The following RALYL variants were observed in gnomAD, a reference collection of about 807,000 sequenced individuals.
The protein encoded by RALYL is RNA-binding Raly-like protein.
A neutral mutation model predicts 35.1 loss-of-function variants in RALYL; 29 were observed. The ratio of observed to expected loss-of-function variants is 0.83; its 90% CI spans 0.61 to 1.13. RALYL has a LOEUF of 1.13. Ranked by LOEUF, RALYL falls within the 50% of genes most tolerant of loss-of-function variation. RALYL has a pLI of 0.00. For missense variants in RALYL, 359 were observed against 360.4 expected (o/e 1.00, Z 0.03); for synonymous variants, 120 against 127.6 (o/e 0.94, Z 0.40).
chr8:84,809,660 C>A (rs551937248), intron 4 of RALYL, among the ~76,000 whole-genome samples: 7 of 152,110 alleles, frequency 4.6e-5, no homozygotes, highest in Middle Eastern at 6.8e-3. Context: ...AATCTCCCTG[C>A]TTGTTGTTGG....
chr8:84,429,502 T>A (rs1458678662), intron 1 of RALYL, among the ~76,000 whole-genome samples: 1 of 152,028 alleles, frequency 6.6e-6, no homozygotes, highest in African/African-American at 2.4e-5. Flanking sequence ...AAAAATAAAA[T>A]TTTCCCCCAA....
intron 1 of RALYL, among the ~76,000 whole-genome samples, chr8:84,241,394 G>T (rs970908303): frequency 2.0e-5 from 3 of 152,124 alleles, no homozygotes; most frequent in East Asian, 1.9e-4. Context: ...GCACTGAAAA[G>T]CTCTGTGTGC....
chr8:84,531,678 C>T (rs2059284205), intron 2 of RALYL, among the ~76,000 whole-genome samples: 1 of 152,012 alleles, frequency 6.6e-6, no homozygotes, highest in Non-Finnish European at 1.5e-5. Context: ...CTAACAAATA[C>T]TTGAGGAAAT....
chr8:84,384,379 G>A (rs141616891), intron 1 of RALYL, among the ~76,000 whole-genome samples: 5 of 151,640 alleles, frequency 3.3e-5, no homozygotes, highest in East Asian at 2.0e-4. Context: ...CATTTATCAC[G>A]TTACTCCCCT....
chr8:84,554,059 T>C (rs879350432), intron 2 of RALYL, among the ~76,000 whole-genome samples: 10 of 152,240 alleles, frequency 6.6e-5, no homozygotes, highest in Admixed American at 6.5e-4. Flanking sequence ...TATATTTCTT[T>C]AATTCTCTTA....
intron 1 of RALYL, among the ~76,000 whole-genome samples, chr8:84,271,450 C>A (rs887467024): frequency 1.4e-5 from 2 of 145,854 alleles, no homozygotes; most frequent in Non-Finnish European, 3.0e-5. Context: ...CATCTAGTAG[C>A]CACTTTAGAA....
At chr8:84,611,363 A>G (rs7828076) in intron 2 of RALYL, among the ~76,000 whole-genome samples, 44,073 of 151,952 alleles carry the variant, frequency 0.29, 7,112 homozygotes, top group African/African-American at 0.43. Context: ...TCTTCCTAGC[A>G]TTATAACCAT....
chr8:84,351,405 A>T (rs1240949830), intron 1 of RALYL, among the ~76,000 whole-genome samples: 2 of 150,240 alleles, frequency 1.3e-5, no homozygotes, highest in Non-Finnish European at 3.0e-5. Flanking sequence ...TTTAAAAAAT[A>T]GCCTATTCTT....
At chr8:84,551,445 T>C (rs2060713227) in intron 2 of RALYL, among the ~76,000 whole-genome samples, 1 of 152,120 alleles carries the variant, frequency 6.6e-6, no homozygotes, top group Admixed American at 6.5e-5. Context: ...ATGTGCTAGA[T>C]GAAGATGGTA....
chr8:84,505,395 A>G lies in RALYL; in HGVS notation c.-23-23904A>G, dbSNP rs1449208762. Among the ~76,000 whole-genome samples the G allele has an allele frequency of 2.6e-5, 4 of 152,142 alleles. No homozygotes were observed. In the South Asian group the frequency reaches 8.3e-4, roughly 31 times the overall value. On this transcript the variant is annotated intron_variant, in intron 1 of 8. Coordinates refer to ENST00000521268, the MANE Select transcript of RALYL (RefSeq NM_173848.7). ...CTGGGGAGGAGAGAGGCATGTTAGTATTGGAAGGAGTCATTTTTATTTATA... is the reference window on the plus strand; with the variant it reads ...CTGGGGAGGAGAGAGGCATGTTAGTGTTGGAAGGAGTCATTTTTATTTATA...
chr8:84,253,883 A>G (rs532873252), intron 1 of RALYL, among the ~76,000 whole-genome samples: 1 of 152,256 alleles, frequency 6.6e-6, no homozygotes, highest in Non-Finnish European at 1.5e-5. Context: ...TCTTATTCCA[A>G]CATGTGACAT....
chr8:84,789,769 G>T (rs1287214879), intron 3 of RALYL, among the ~76,000 whole-genome samples: 1 of 151,984 alleles, frequency 6.6e-6, no homozygotes, highest in Non-Finnish European at 1.5e-5. Context: ...GAGGTGGGAG[G>T]ATCACTTGAG....
intron 2 of RALYL, among the ~76,000 whole-genome samples, chr8:84,762,021 CA>C (rs1346108754): frequency 6.6e-6 from 1 of 151,834 alleles, no homozygotes; most frequent in Non-Finnish European, 1.5e-5. Context: ...GAGAGCAGGC[CA>C]GGGGAGACGA....
At chr8:84,537,103 G>T (rs550747083) in intron 2 of RALYL, among the ~76,000 whole-genome samples, 14 of 150,524 alleles carry the variant, frequency 9.3e-5, no homozygotes, top group Non-Finnish European at 1.6e-4. Context: ...TCTATTCAGG[G>T]TGTATACGTG....
chr8:84,582,925 A>G (rs1276322465), intron 2 of RALYL, among the ~76,000 whole-genome samples: 2 of 151,962 alleles, frequency 1.3e-5, no homozygotes, highest in Non-Finnish European at 1.5e-5. Context: ...AAAGTTAGAT[A>G]TAGTTTGGGA....
At chr8:84,835,908 C>T (rs1034977437) in intron 4 of RALYL, among the ~76,000 whole-genome samples, 2 of 151,460 alleles carry the variant, frequency 1.3e-5, no homozygotes, top group African/African-American at 4.9e-5. Flanking sequence ...GAAATGCTGA[C>T]GGATTAAAAG....
intron 8 of RALYL, among the ~76,000 whole-genome samples, chr8:84,918,234 T>C (rs1848783520): frequency 6.6e-6 from 1 of 152,084 alleles, no homozygotes; most frequent in African/African-American, 2.4e-5. Flanking sequence ...TTTAAAAGTA[T>C]GATTTTCTGG....
intron 3 of RALYL, among the ~76,000 whole-genome samples, chr8:84,802,817 A>AG (rs1038969552): frequency 5.9e-5 from 9 of 152,180 alleles, no homozygotes; most frequent in African/African-American, 1.9e-4. Context: ...CAGTGTGTAA[A>AG]GTTGAAGTGA....
At chr8:84,866,006 A>G (rs913747551) in intron 6 of RALYL, among the ~76,000 whole-genome samples, 1 of 152,208 alleles carries the variant, frequency 6.6e-6, no homozygotes, top group African/African-American at 2.4e-5. Flanking sequence ...AGCATCAACC[A>G]GAGAAATAAT....
Sources: gnomAD v4.1 joint callset for allele counts (sites outside exome capture counted in the v4.1 genomes callset) on GRCh38, gnomAD v4.1.1 for gene constraint, MANE v1.5 for transcripts, NCBI Gene and HGNC (gene_info 2026-07-23, HGNC 2026-07-21) for gene names.